The following ZNF385B variants were observed in gnomAD, a reference collection of about 807,000 sequenced individuals.
ZNF385B encodes zinc finger protein 533.
In ZNF385B, 23 loss-of-function variants were observed where a neutral mutation model predicts 39.2. That is an observed-to-expected ratio of 0.59 (90% CI 0.42 to 0.83). The LOEUF (loss-of-function observed/expected upper bound fraction) is 0.83, where lower values mean the gene tolerates loss of function less well. ZNF385B is among the 40% of genes least tolerant of loss of function. ZNF385B has a pLI of 0.00. For synonymous variants in ZNF385B, 205 were observed against 222.6 expected (o/e 0.92, Z 0.70); for missense variants, 552 against 598.9 (o/e 0.92, Z 0.82).
At chr2:179,792,341 G>T (rs1485147715) in intron 1 of ZNF385B, among the ~76,000 whole-genome samples, 1 of 149,376 alleles carries the variant, frequency 6.7e-6, no homozygotes, top group Non-Finnish European at 1.5e-5. Context: ...TATTCAAGCA[G>T]TGACTGAAGA....
intron 3 of ZNF385B, among the ~76,000 whole-genome samples, chr2:179,729,386 C>CAAA (rs1210089795): frequency 6.6e-6 from 1 of 152,042 alleles, no homozygotes; most frequent in Non-Finnish European, 1.5e-5. Context: ...CTTATGAGTG[C>CAAA]AAAATGGTGT....
At chr2:179,762,461 G>A (rs1455025796) in intron 3 of ZNF385B, among the ~76,000 whole-genome samples, 5 of 152,088 alleles carry the variant, frequency 3.3e-5, no homozygotes, top group Non-Finnish European at 7.4e-5. Context: ...CAAAGTGCTG[G>A]GATTACAGGT....
chr2:179,578,096 T>C (rs1483942108), intron 3 of ZNF385B, among the ~76,000 whole-genome samples: 2 of 152,146 alleles, frequency 1.3e-5, no homozygotes, highest in African/African-American at 4.8e-5. Flanking sequence ...TGCATCCATA[T>C]ACACATTGAT....
In ZNF385B at chr2:179,770,612, G is replaced by A. The variant is rs759958735; in HGVS notation, c.-94C>T. 3 of 152,044 alleles carry A rather than the reference G, an allele frequency of 2.0e-5. No individual in the cohort carries two copies. Among genetic ancestry groups the A allele is most frequent in the South Asian group, 2.1e-4 (1 of 4,824 alleles). The allele number at this position is 152,044 out of a possible 1,614,324, so 9.4% of individuals were successfully genotyped here. On this transcript the variant is annotated 5_prime_UTR_variant, in exon 2 of 10. Coordinates refer to ENST00000410066, the MANE Select transcript of ZNF385B (RefSeq NM_152520.6). ...CTTGTAGTGAAACAAACTGTTTTTC[G>A]GTTTCCAGGTTAGCCCATAAACATC...
At chr2:179,702,058 AT>A (rs149787413) in intron 3 of ZNF385B, among the ~76,000 whole-genome samples, 7 of 151,534 alleles carry the variant, frequency 4.6e-5, no homozygotes, top group African/African-American at 1.5e-4. Context: ...TCACGTTTTC[AT>A]TTTTTTTTAA....
intron 4 of ZNF385B, among the ~76,000 whole-genome samples, chr2:179,521,583 T>C (rs2058512410): frequency 6.6e-6 from 1 of 151,862 alleles, no homozygotes; most frequent in Admixed American, 6.6e-5. Flanking sequence ...GGCTGAGAGC[T>C]CTCCATCCTG....
intron 5 of ZNF385B, among the ~76,000 whole-genome samples, chr2:179,501,393 G>A (rs2056748703): frequency 6.6e-6 from 1 of 152,134 alleles, no homozygotes; most frequent in African/African-American, 2.4e-5. Context: ...ATACAGAATG[G>A]AGTACTATTC....
At chr2:179,495,556 C>A (rs1050302407) in intron 5 of ZNF385B, among the ~76,000 whole-genome samples, 8 of 152,184 alleles carry the variant, frequency 5.3e-5, no homozygotes, top group Non-Finnish European at 1.2e-4. Context: ...TGGGTAAGAC[C>A]CAGTGCTGTG....
intron 3 of ZNF385B, among the ~76,000 whole-genome samples, chr2:179,607,629 C>T (rs572382341): frequency 3.9e-5 from 6 of 152,012 alleles, no homozygotes; most frequent in African/African-American, 9.7e-5. Context: ...AATGGTTATG[C>T]GGAAATCCTG....
At chr2:179,487,208 A>G (rs984802279) in intron 5 of ZNF385B, among the ~76,000 whole-genome samples, 7 of 152,248 alleles carry the variant, frequency 4.6e-5, no homozygotes, top group Non-Finnish European at 1.0e-4. Context: ...TTCACTGGCC[A>G]AGATGGAAAA....
chr2:179,616,726 ATTT>A (rs1350691033), intron 3 of ZNF385B, among the ~76,000 whole-genome samples: 2 of 151,780 alleles, frequency 1.3e-5, no homozygotes, highest in African/African-American at 4.8e-5. Context: ...GGCCCGGCTA[ATTT>A]TTTTTATTTT....
At chr2:179,577,590 T>A (rs1312492618) in intron 3 of ZNF385B, among the ~76,000 whole-genome samples, 1 of 152,056 alleles carries the variant, frequency 6.6e-6, no homozygotes, top group Non-Finnish European at 1.5e-5. Context: ...TAATTATTAA[T>A]CTTGGGGAAA....
intron 4 of ZNF385B, among the ~76,000 whole-genome samples, chr2:179,541,752 C>A (rs1183464591): frequency 2.0e-5 from 3 of 151,988 alleles, no homozygotes; most frequent in African/African-American, 7.2e-5. Context: ...TTCAAAAAAA[C>A]CATTTCCTCC....
intron 1 of ZNF385B, among the ~76,000 whole-genome samples, chr2:179,774,090 T>C (rs535998673): frequency 2.0e-5 from 3 of 151,348 alleles, no homozygotes; most frequent in African/African-American, 7.3e-5. Context: ...TGCGGGGGTG[T>C]ATAGGTGTGG....
At chr2:179,732,651 A>C (rs2106431605) in intron 3 of ZNF385B, among the ~76,000 whole-genome samples, 1 of 152,290 alleles carries the variant, frequency 6.6e-6, no homozygotes, top group Non-Finnish European at 1.5e-5. Flanking sequence ...GAATGAGTTA[A>C]ATTAACATTC....
intron 3 of ZNF385B, among the ~76,000 whole-genome samples, chr2:179,714,706 G>A (rs547309611): frequency 1.3e-5 from 2 of 152,204 alleles, no homozygotes; most frequent in South Asian, 4.2e-4. Flanking sequence ...AGCACTTTGG[G>A]AGGGGGAGGC....
At chr2:179,478,083 G>A (rs1263014860) in intron 6 of ZNF385B, among the ~76,000 whole-genome samples, 1 of 152,150 alleles carries the variant, frequency 6.6e-6, no homozygotes, top group Non-Finnish European at 1.5e-5. Flanking sequence ...CGTGAAACAA[G>A]AAACCCCAAG....
intron 5 of ZNF385B, among the ~76,000 whole-genome samples, chr2:179,494,543 C>A (rs1425315037): frequency 6.6e-6 from 1 of 152,016 alleles, no homozygotes; most frequent in African/African-American, 2.4e-5. Flanking sequence ...CATAAATCAT[C>A]CATAATTTTG....
chr2:179,656,345 G>A (rs769812440), intron 3 of ZNF385B, among the ~76,000 whole-genome samples: 2 of 152,054 alleles, frequency 1.3e-5, no homozygotes, highest in African/African-American at 4.8e-5. Flanking sequence ...AAACTAAAGA[G>A]AAGAAAACTG....
Sources: allele counts gnomAD v4.1 joint callset (sites outside exome capture counted in the v4.1 genomes callset), GRCh38; gene constraint gnomAD v4.1.1; transcripts MANE v1.5; gene names NCBI Gene and HGNC (gene_info 2026-07-23, HGNC 2026-07-21).